Variants in IRAG1 observed in about 807,000 individuals in gnomAD.
IRAG1 encodes the protein IP3R-associated cGMP kinase substrate.
In IRAG1, 62 loss-of-function variants were observed where a neutral mutation model predicts 106.2. The ratio of observed to expected loss-of-function variants is 0.58; its 90% CI spans 0.48 to 0.72. IRAG1 has a LOEUF of 0.72. Among genes scored for constraint, IRAG1 ranks in the 30% least tolerant of loss-of-function variants. The probability of loss-of-function intolerance (pLI) is 0.00; values close to 1 mark genes in which losing one functional copy is unlikely to be tolerated. For missense variants in IRAG1, 1,064 were observed against 1,140.7 expected, an observed-to-expected ratio of 0.93 and a Z score of 0.97; for synonymous variants, 462 against 443.9, an observed-to-expected ratio of 1.04 and a Z score of -0.51.
At chr11:10,652,213 C>A (rs749643513) in intron 1 of IRAG1, 31 bp from the exon 2 acceptor site, 3 of 1,610,288 alleles carry the variant, frequency 1.9e-6, no homozygotes, top group Non-Finnish European at 2.5e-6. Flanking sequence ...CAAGTCAAAT[C>A]CATTCCCATC....
chr11:10,622,908 C>T (rs957634669), intron 10 of IRAG1, among the ~76,000 whole-genome samples: 1 of 152,122 alleles, frequency 6.6e-6, no homozygotes, highest in African/African-American at 2.4e-5. Context: ...CACACTCCTG[C>T]CCTTGGGGGC....
At chr11:10,649,795 G>A (rs1314656731) in intron 2 of IRAG1, among the ~76,000 whole-genome samples, 1 of 152,138 alleles carries the variant, frequency 6.6e-6, no homozygotes, top group Admixed American at 6.5e-5. Flanking sequence ...ATCCCTGATT[G>A]GCTAGTGGGA....
chr11:10,629,548 G>A lies in IRAG1; in HGVS notation c.564C>T (p.Asp188=). The part of the protein sequence containing the change: ...RGRKSRSSPG[D]SPSAVSPNLS... ...ATCCTGCCACCCTACCTGATGGGGA[G>A]TCTCCGGGGCTGCTCCTGGACTTCC... Residue 188 remains aspartate (D), a synonymous_variant, in exon 5 of 21, where the codon GAC becomes GAT. Coordinates refer to ENST00000423302, the MANE Select transcript of IRAG1 (RefSeq NM_130385.4). 1.9e-6 allele frequency: 3 copies of A among 1,613,352 alleles called. No individual in the cohort carries two copies. Among genetic ancestry groups the A allele is most frequent in the African/African-American group, 1.3e-5 (1 of 75,038 alleles).
chr11:10,589,421 T>C (rs1475166254), intron 18 of IRAG1, among the ~76,000 whole-genome samples: 1 of 151,026 alleles, frequency 6.6e-6, no homozygotes, highest in Non-Finnish European at 1.5e-5. Flanking sequence ...TTCCACTTTA[T>C]ATTTATTTAT....
intron 1 of IRAG1, among the ~76,000 whole-genome samples, chr11:10,675,843 T>C (rs12363422): frequency 0.4 from 60,970 of 152,018 alleles, 12,582 homozygotes; most frequent in African/African-American, 0.47. Context: ...TGGCCACCTT[T>C]GCCCAGGTTA....
chr11:10,599,857 C>T (rs1205052867), intron 15 of IRAG1: 1 of 152,216 alleles, frequency 6.6e-6, no homozygotes, highest in Non-Finnish European at 1.5e-5. Context: ...AGCTTTTGCA[C>T]ACCTCCAATA....
At chr11:10,680,009 C>T (rs11512010) in intron 1 of IRAG1, among the ~76,000 whole-genome samples, 56,975 of 151,836 alleles carry the variant, frequency 0.38, 10,988 homozygotes, top group Middle Eastern at 0.43. Flanking sequence ...CACAGTGGCT[C>T]GCACCTCTAA....
intron 11 of IRAG1, among the ~76,000 whole-genome samples, chr11:10,607,139 C>T (rs1033746330): frequency 6.6e-6 from 1 of 152,118 alleles, no homozygotes; most frequent in Non-Finnish European, 1.5e-5. Context: ...AGTGGGCTCT[C>T]GGGAAATGTG....
chr11:10,622,896 C>CACACACACACACACACACACAT lies in IRAG1; in HGVS notation c.1447+881_1447+882insATGTGTGTGTGTGTGTGTGTGT, dbSNP rs543628217. Among the ~76,000 whole-genome samples the CACACACACACACACACACACAT allele has an allele frequency of 2.1e-3, 323 of 152,072 alleles. 1 individual carries two copies. The highest frequency in any genetic ancestry group is 3.7e-3 in the Non-Finnish European group (250 of 67,934). On this transcript the variant is annotated intron_variant, in intron 10 of 20. Coordinates refer to ENST00000423302, the MANE Select transcript of IRAG1 (RefSeq NM_130385.4). Reference sequence around the variant, plus strand: ...CAGTGGACACACACACACACACACACACACACTCCTGCCCTTGGGGGCTTC... The same window carrying CACACACACACACACACACACAT: ...CAGTGGACACACACACACACACACACACACACACACACACACACACATACACACTCCTGCCCTTGGGGGCTTC...
At chr11:10,601,820 C>G (rs1478931520) in intron 14 of IRAG1, among the ~76,000 whole-genome samples, 1 of 152,154 alleles carries the variant, frequency 6.6e-6, no homozygotes, top group African/African-American at 2.4e-5. Flanking sequence ...CAGGATGAAG[C>G]CTGACCTGGC....
intron 1 of IRAG1, among the ~76,000 whole-genome samples, chr11:10,689,541 C>T (rs1184893127): frequency 7.2e-5 from 11 of 152,154 alleles, no homozygotes; most frequent in Non-Finnish European, 5.9e-5. Flanking sequence ...GCTGAGTCTC[C>T]AAATGCTATA....
chr11:10,668,102 C>A (rs1859929637), intron 1 of IRAG1, among the ~76,000 whole-genome samples: 1 of 152,216 alleles, frequency 6.6e-6, no homozygotes, highest in Non-Finnish European at 1.5e-5. Context: ...AAGGCCATCC[C>A]CCCATCTGTC....
At chr11:10,683,175 G>C (rs1390072589) in intron 1 of IRAG1, among the ~76,000 whole-genome samples, 1 of 152,196 alleles carries the variant, frequency 6.6e-6, no homozygotes, top group Non-Finnish European at 1.5e-5. Context: ...TCCAGTTTGT[G>C]AGCTGTTGTA....
At position 10,652,166 on chromosome 11, in the gene IRAG1, G is replaced by C; in HGVS notation, c.84C>G (p.Ala28=). 1 of 1,613,842 alleles carries C rather than the reference G, an allele frequency of 6.2e-7. No homozygotes were observed. ...NNSVLACGAQ[A]SWSIFGADAA... is the part of the protein sequence containing the mutation. ...CGTCAGCCCCAAAGATGCTCCAAGAGGCCTGGGCTCCACAGGCTGGGGAGA... is the reference window on the plus strand; with the variant it reads ...CGTCAGCCCCAAAGATGCTCCAAGACGCCTGGGCTCCACAGGCTGGGGAGA... Residue 28 remains alanine (A), a synonymous_variant, in exon 2 of 21, where the codon GCC becomes GCG. Transcript: ENST00000423302.
At position 10,626,237 on chromosome 11, in the gene IRAG1, G is replaced by C; in HGVS notation, c.1097C>G (p.Ala366Gly). The change falls in exon 9 of 21, where the codon GCT becomes GGT. Residue 366 changes from alanine (A) to glycine (G), a missense_variant. By Grantham distance (60) the Ala-to-Gly change is moderately conservative. Coordinates refer to ENST00000423302, the MANE Select transcript of IRAG1 (RefSeq NM_130385.4). ...AGCCTCGGGCCCCATCGGCTCTCCAGCTGGGCCTCTCCCCTGGGAGGCTGG... is the reference window on the plus strand; with the variant it reads ...AGCCTCGGGCCCCATCGGCTCTCCACCTGGGCCTCTCCCCTGGGAGGCTGG... ...GPPASQGRGP[A>G]GEPMGPEAGS... 1.2e-6 allele frequency: 2 copies of C among 1,604,132 alleles called. No homozygotes were observed. The highest frequency in any genetic ancestry group is 2.2e-5 in the South Asian group (2 of 90,356).
chr11:10,643,972 T>A (rs1439288491), intron 2 of IRAG1, among the ~76,000 whole-genome samples: 1 of 152,268 alleles, frequency 6.6e-6, no homozygotes. Flanking sequence ...TCTAAAACAC[T>A]TTCTGCCTTG....
Position 10,601,172 on chromosome 11 carries a change from A to C in IRAG1, c.1876-113T>G, listed in dbSNP as rs893165522. The C allele has an allele frequency of 4.9e-6, 7 of 1,421,950 alleles. No individual in the cohort carries two copies. In the African/African-American group the frequency reaches 9.9e-5, roughly 20 times the overall value. The allele number at this position is 1,421,950 out of a possible 1,614,324, so 88.1% of individuals were successfully genotyped here. A position where few individuals can be genotyped will look rare whatever the true frequency, so the allele number is the denominator to read the frequency against. On this transcript the variant is annotated intron_variant, in intron 14 of 20. Transcript: ENST00000423302. ...GGAGAATCAAAAGGATACAGGGACAAGACTCTGCCCTCTGAAGAGTTTGCT... is the reference window on the plus strand; with the variant it reads ...GGAGAATCAAAAGGATACAGGGACACGACTCTGCCCTCTGAAGAGTTTGCT...
intron 20 of IRAG1, among the ~76,000 whole-genome samples, chr11:10,576,848 A>G (rs3741034): frequency 0.62 from 94,099 of 152,114 alleles, 29,618 homozygotes; most frequent in East Asian, 0.72. Context: ...AGAGCTACTT[A>G]TCTAGATCAT....
intron 2 of IRAG1, among the ~76,000 whole-genome samples, chr11:10,649,996 G>A (rs575480744): frequency 2.0e-5 from 3 of 152,344 alleles, no homozygotes; most frequent in Non-Finnish European, 4.4e-5. Flanking sequence ...GGGCCCAGCA[G>A]AAGGACCCAT....
Sources: gnomAD v4.1 joint callset for allele counts (sites outside exome capture counted in the v4.1 genomes callset) on GRCh38, gnomAD v4.1.1 for gene constraint, MANE v1.5 for transcripts, NCBI Gene and HGNC (gene_info 2026-07-23, HGNC 2026-07-21) for gene names.